WDR59: variants seen among roughly 807,000 people sequenced by gnomAD.
WDR59 encodes GATOR2 complex protein WDR59.
A neutral mutation model predicts 131.2 loss-of-function variants in WDR59; 100 were observed. The ratio of observed to expected loss-of-function variants is 0.76; its 90% CI spans 0.65 to 0.90. The LOEUF is 0.90. Ranked by LOEUF, WDR59 falls within the 40% of genes least tolerant of loss-of-function variation. The pLI, the probability that WDR59 is intolerant of heterozygous loss-of-function variation, is 0.00. For missense variants in WDR59, 1,203 were observed against 1,262.2 expected (o/e 0.95, Z 0.71); for synonymous variants, 601 against 466.2 (o/e 1.29, Z -3.72).
chr16:74,980,262 C>T (rs12324937), intron 1 of WDR59, among the ~76,000 whole-genome samples: 11,266 of 151,528 alleles, frequency 0.074, 495 homozygotes, highest in African/African-American at 0.098. Flanking sequence ...AGTAATAGCC[C>T]AAAGCATTGT....
At chr16:74,945,607 A>G (rs911714578) in intron 6 of WDR59, among the ~76,000 whole-genome samples, 2 of 152,184 alleles carry the variant, frequency 1.3e-5, no homozygotes, top group South Asian at 2.1e-4. Flanking sequence ...GTCTCAGATC[A>G]TAAGTACCTA....
At chr16:74,886,177 CA>C (rs777732079) in intron 24 of WDR59, 92 bp downstream of exon 24, 130,182 of 925,484 alleles carry the variant, frequency 0.14, 3 homozygotes, top group East Asian at 0.19. Flanking sequence ...ATTCTGTGTC[CA>C]AAAAAAAAAA....
intron 1 of WDR59, among the ~76,000 whole-genome samples, chr16:74,968,648 G>A (rs552103988): frequency 6.6e-6 from 1 of 152,162 alleles, no homozygotes; most frequent in Non-Finnish European, 1.5e-5. Context: ...TTGAACCCAG[G>A]AAGTGGAGGC....
At chr16:74,958,433 T>C (rs1379358797) in intron 2 of WDR59, among the ~76,000 whole-genome samples, 1 of 150,326 alleles carries the variant, frequency 6.7e-6, no homozygotes, top group Non-Finnish European at 1.5e-5. Flanking sequence ...CTACTAAAAA[T>C]ACTAAAAAAT....
At chr16:74,963,867 C>T (rs1369915893) in intron 2 of WDR59, among the ~76,000 whole-genome samples, 1 of 151,602 alleles carries the variant, frequency 6.6e-6, no homozygotes, top group African/African-American at 2.4e-5. Context: ...AGCGAATACA[C>T]TCCAGCCTGG....
At chr16:74,979,346 G>A (rs1337426031) in intron 1 of WDR59, among the ~76,000 whole-genome samples, 15 of 151,652 alleles carry the variant, frequency 9.9e-5, no homozygotes, top group Admixed American at 3.9e-4. Context: ...GGCGCCTGTA[G>A]TCCCAGCTAC....
At chr16:74,952,372 G>T (rs972038036) in intron 3 of WDR59, among the ~76,000 whole-genome samples, 1 of 149,584 alleles carries the variant, frequency 6.7e-6, no homozygotes, top group Non-Finnish European at 1.5e-5. Flanking sequence ...AGCCTGGGAG[G>T]TCGAGGCAAT....
intron 18 of WDR59, among the ~76,000 whole-genome samples, chr16:74,894,327 C>T (rs1161932899): frequency 2.6e-5 from 4 of 152,088 alleles, no homozygotes; most frequent in African/African-American, 4.8e-5. Flanking sequence ...GGAGAATTAC[C>T]CCGTTTTTCT....
intron 4 of WDR59, 133 bp from the exon 5 acceptor site, chr16:74,949,931 G>T: frequency 1.2e-6 from 1 of 824,666 alleles, no homozygotes; most frequent in Non-Finnish European, 2.0e-6. Context: ...GGTTTAGGCT[G>T]AGAATCTCCA....
intron 2 of WDR59, among the ~76,000 whole-genome samples, chr16:74,960,854 A>C (rs1464385919): frequency 6.6e-6 from 1 of 151,988 alleles, no homozygotes; most frequent in Non-Finnish European, 1.5e-5. Context: ...ACTAAAAGAT[A>C]CAGATTTCCA....
At chr16:74,906,063 C>T (rs1197888427) in intron 17 of WDR59, among the ~76,000 whole-genome samples, 1 of 151,966 alleles carries the variant, frequency 6.6e-6, no homozygotes, top group Admixed American at 6.6e-5. Context: ...GCCTGTAATC[C>T]CAGCACTTTG....
rs956595388 is a variant in WDR59 at position 74,955,628 on chromosome 16, G to A, written c.240+847C>T. Reference sequence around the variant, plus strand: ...TATTTTGGAAATAGCTGGGAAGGGCGGCTTTCTGTTCCTTCTCAAGCTGAC... The same window carrying A: ...TATTTTGGAAATAGCTGGGAAGGGCAGCTTTCTGTTCCTTCTCAAGCTGAC... On this transcript the variant is annotated intron_variant, in intron 3 of 25. Coordinates refer to ENST00000262144, the MANE Select transcript of WDR59 (RefSeq NM_030581.4). 2.6e-5 allele frequency among the ~76,000 whole-genome samples: 4 copies of A among 152,094 alleles called. No homozygotes were observed. In the South Asian group the frequency reaches 6.2e-4, roughly 24 times the overall value.
intron 8 of WDR59, among the ~76,000 whole-genome samples, chr16:74,928,597 T>G (rs1164998584): frequency 6.6e-6 from 1 of 152,036 alleles, no homozygotes; most frequent in Non-Finnish European, 1.5e-5. Flanking sequence ...TTATCCTTAG[T>G]TTTATGTTAA....
chr16:74,958,686 C>T (rs1468025522), intron 2 of WDR59, among the ~76,000 whole-genome samples: 1 of 148,238 alleles, frequency 6.7e-6, no homozygotes, highest in East Asian at 2.0e-4. Flanking sequence ...TTCCCCCCAA[C>T]TGGAGGCTTT....
chr16:74,933,343 A>G (rs1304186458), intron 8 of WDR59, among the ~76,000 whole-genome samples: 2 of 152,126 alleles, frequency 1.3e-5, no homozygotes, highest in Non-Finnish European at 2.9e-5. Flanking sequence ...TTTTATTTCC[A>G]TTTAAACAGC....
intron 1 of WDR59, among the ~76,000 whole-genome samples, chr16:74,981,125 G>T (rs2034385915): frequency 6.6e-6 from 1 of 151,856 alleles, no homozygotes; most frequent in African/African-American, 2.4e-5. Context: ...CAGCACTTTG[G>T]GAGGCTGAGG....
chr16:74,945,958 C>T (rs1413769680), intron 6 of WDR59, among the ~76,000 whole-genome samples: 1 of 151,828 alleles, frequency 6.6e-6, no homozygotes, highest in Non-Finnish European at 1.5e-5. Context: ...GCTGAGATTA[C>T]AGGCATGCAC....
At chr16:74,887,849 G>A (rs1350167293) in intron 22 of WDR59, 94 bp from the exon 23 acceptor site, 3 of 1,276,828 alleles carry the variant, frequency 2.3e-6, no homozygotes, top group Non-Finnish European at 3.4e-6. Flanking sequence ...CAAGCACGGT[G>A]GCTCATGCCT....
chr16:74,907,159 G>C (rs988752176), intron 17 of WDR59, among the ~76,000 whole-genome samples: 6 of 152,182 alleles, frequency 3.9e-5, no homozygotes, highest in Non-Finnish European at 5.9e-5. Context: ...TTACTGCAGA[G>C]ATTGGCCACC....
Sources: gnomAD v4.1 joint callset for allele counts (sites outside exome capture counted in the v4.1 genomes callset) on GRCh38, gnomAD v4.1.1 for gene constraint, MANE v1.5 for transcripts, NCBI Gene and HGNC (gene_info 2026-07-23, HGNC 2026-07-21) for gene names.